Variants in NEDD4L observed in about 807,000 individuals in gnomAD.
NEDD4L encodes NEDD4 like E3 ubiquitin protein ligase.
NEDD4L carries 54 observed loss-of-function variants against 148.9 expected under a neutral mutation model. That is an observed-to-expected ratio of 0.36 (90% CI 0.29 to 0.45). NEDD4L has a LOEUF of 0.45. Among genes scored for constraint, NEDD4L ranks in the 20% least tolerant of loss-of-function variants. NEDD4L has a pLI of 1.00. For missense variants in NEDD4L, 856 were observed against 1,233.8 expected (o/e 0.69, Z 4.59); for synonymous variants, 433 against 440.7 (o/e 0.98, Z 0.22).
intron 2 of NEDD4L, among the ~76,000 whole-genome samples, chr18:58,192,415 G>A (rs1486701667): frequency 6.6e-6 from 1 of 152,166 alleles, no homozygotes; most frequent in African/African-American, 2.4e-5. Flanking sequence ...CCTGTCTTGT[G>A]ATAGGCTTCC....
chr18:58,382,664 A>G (rs979681020), intron 24 of NEDD4L, among the ~76,000 whole-genome samples: 5 of 152,146 alleles, frequency 3.3e-5, no homozygotes, highest in Admixed American at 2.6e-4. Flanking sequence ...TTTTTTCATG[A>G]TCATGGGTGG....
chr18:58,113,130 G>A (rs1285606807), intron 1 of NEDD4L, among the ~76,000 whole-genome samples: 3 of 152,212 alleles, frequency 2.0e-5, no homozygotes, highest in East Asian at 3.9e-4. Flanking sequence ...TATAAACCAC[G>A]CAGTCTGTGA....
At chr18:58,151,625 ATGTGTG>A (rs113714456) in intron 1 of NEDD4L, among the ~76,000 whole-genome samples, 51 of 141,078 alleles carry the variant, frequency 3.6e-4, no homozygotes, top group Admixed American at 2.1e-3. Flanking sequence ...GTGCCTGGAT[ATGTGTG>A]TGTGTGTGTG....
At chr18:58,095,906 A>G (rs2084362795) in intron 1 of NEDD4L, among the ~76,000 whole-genome samples, 1 of 151,518 alleles carries the variant, frequency 6.6e-6, no homozygotes, top group East Asian at 1.9e-4. Flanking sequence ...TTAAAACATT[A>G]TGAGCCTTTT....
chr18:58,387,426 T>A lies in NEDD4L; in HGVS notation c.2488-13T>A. The A allele has an allele frequency of 6.6e-7, 1 of 1,526,614 alleles. No homozygotes were observed. Among genetic ancestry groups the A allele is most frequent in the Non-Finnish European group, 8.7e-7 (1 of 1,144,468 alleles). 94.6% of individuals were successfully genotyped at this position (1,526,614 alleles called of 1,614,324 possible). On this transcript the variant is annotated splice_polypyrimidine_tract_variant and intron_variant, in intron 26 of 30. Coordinates refer to ENST00000400345, the MANE Select transcript of NEDD4L (RefSeq NM_001144967.3). ...GCAATAGGTGTTTAAGATGTTTTTT[T>A]TTTTTCTTTCAGGGATTCACAGAAC...
In NEDD4L at chr18:58,398,630, G is replaced by A. The variant is rs1383945563; in HGVS notation, c.*2361G>A. On this transcript the variant is annotated 3_prime_UTR_variant, in exon 31 of 31. Transcript: ENST00000400345. ...GTTCATCAACCCCTTAATAATATCA[G>A]CTTAATTTTAATGACAACTAAATAT... 2 of 152,140 alleles carry A rather than the reference G, an allele frequency of 1.3e-5. No homozygotes were observed. Among genetic ancestry groups the A allele is most frequent in the Non-Finnish European group, 2.9e-5 (2 of 68,022 alleles). The allele number at this position is 152,140 out of a possible 1,614,324, so 9.4% of individuals were successfully genotyped here.
At chr18:58,144,674 G>C (rs1241871529) in intron 1 of NEDD4L, among the ~76,000 whole-genome samples, 1 of 151,984 alleles carries the variant, frequency 6.6e-6, no homozygotes, top group African/African-American at 2.4e-5. Flanking sequence ...AAACAAACCT[G>C]AAACCATAGA....
At chr18:58,145,948 C>T (rs1239159346) in intron 1 of NEDD4L, among the ~76,000 whole-genome samples, 1 of 152,092 alleles carries the variant, frequency 6.6e-6, no homozygotes, top group African/African-American at 2.4e-5. Context: ...TTTTCACAGT[C>T]ATATGGAAAC....
intron 1 of NEDD4L, among the ~76,000 whole-genome samples, chr18:58,060,431 G>A (rs926876187): frequency 6.6e-6 from 1 of 152,124 alleles, no homozygotes; most frequent in Non-Finnish European, 1.5e-5. Flanking sequence ...CTTTTCTAAA[G>A]CTCACCATGC....
At chr18:58,121,270 C>T (rs1031988162) in intron 1 of NEDD4L, among the ~76,000 whole-genome samples, 26 of 152,066 alleles carry the variant, frequency 1.7e-4, no homozygotes, top group African/African-American at 6.0e-4. Context: ...ACTTTGGCCC[C>T]TGTTGGAGCA....
chr18:58,091,823 T>G (rs2084089436), intron 1 of NEDD4L, among the ~76,000 whole-genome samples: 1 of 152,198 alleles, frequency 6.6e-6, no homozygotes, highest in African/African-American at 2.4e-5. Flanking sequence ...AATGCACATG[T>G]AATAGCATTA....
At position 58,381,333 on chromosome 18, in the gene NEDD4L, CAG is replaced by C. The variant is rs1244318343; in HGVS notation, c.2353-1910_2353-1909del. Among the ~76,000 whole-genome samples the C allele has an allele frequency of 2.0e-5, 3 of 152,306 alleles. 1 individual carries two copies. The East Asian group carries it at 5.8e-4, about 29-fold the overall frequency. ...CCCTGGGCGCTGCTTTTGGAGGAAG[CAG>C]AGTGTTTTCCTCCTTAGCCCTCCCC... is the stretch of plus-strand genomic sequence containing the variant. On this transcript the variant is annotated intron_variant, in intron 24 of 30. Coordinates refer to ENST00000400345, the MANE Select transcript of NEDD4L (RefSeq NM_001144967.3).
chr18:58,395,871 C>T (rs534996186), intron 30 of NEDD4L, among the ~76,000 whole-genome samples: 1 of 152,238 alleles, frequency 6.6e-6, no homozygotes, highest in South Asian at 2.1e-4. Flanking sequence ...GCTCTGTGTT[C>T]CAAGGGTTTG....
chr18:58,255,864 C>T (rs2048459461), intron 5 of NEDD4L: 2 of 1,232,316 alleles, frequency 1.6e-6, no homozygotes, highest in Non-Finnish European at 1.0e-6. Flanking sequence ...ATGTTCATCC[C>T]GCAGCTCTTG....
intron 16 of NEDD4L, among the ~76,000 whole-genome samples, chr18:58,345,950 G>T (rs1413867603): frequency 6.8e-6 from 1 of 147,384 alleles, no homozygotes; most frequent in Admixed American, 6.9e-5. Flanking sequence ...GCACAGACAG[G>T]GTTTCACCAT....
chr18:58,100,785 AAG>A (rs1258170908), intron 1 of NEDD4L, among the ~76,000 whole-genome samples: 2 of 150,212 alleles, frequency 1.3e-5, no homozygotes, highest in African/African-American at 2.5e-5. Context: ...GCAGAAAAGA[AAG>A]AATGTTTTTA....
chr18:58,346,701 T>C (rs2043110868), intron 16 of NEDD4L, among the ~76,000 whole-genome samples: 1 of 152,214 alleles, frequency 6.6e-6, no homozygotes, highest in African/African-American at 2.4e-5. Flanking sequence ...CACTTTGAAC[T>C]TGATGGAGGG....
chr18:58,190,845 G>T (rs531270885), intron 2 of NEDD4L, among the ~76,000 whole-genome samples: 1 of 152,278 alleles, frequency 6.6e-6, no homozygotes, highest in East Asian at 1.9e-4. Context: ...TGATAAAAAG[G>T]CTGGGTATGG....
intron 1 of NEDD4L, among the ~76,000 whole-genome samples, chr18:58,067,417 A>G (rs1435827713): frequency 6.6e-6 from 1 of 152,074 alleles, no homozygotes; most frequent in Non-Finnish European, 1.5e-5. Context: ...TCCTTTTGCT[A>G]TTTTCGTTTA....
Sources: gnomAD v4.1 joint callset for allele counts (sites outside exome capture counted in the v4.1 genomes callset) on GRCh38, gnomAD v4.1.1 for gene constraint, MANE v1.5 for transcripts, NCBI Gene and HGNC (gene_info 2026-07-23, HGNC 2026-07-21) for gene names.